Variants in ALDH3A2 observed in about 807,000 individuals in gnomAD.
ALDH3A2 encodes aldehyde dehydrogenase 3 family member A2.
ALDH3A2 carries 36 observed loss-of-function variants against 51.3 expected under a neutral mutation model. The ratio of observed to expected loss-of-function variants is 0.70; its 90% CI spans 0.54 to 0.93. ALDH3A2 has a LOEUF of 0.93. Among genes scored for constraint, ALDH3A2 ranks in the 40% least tolerant of loss-of-function variants. The pLI, the probability that ALDH3A2 is intolerant of heterozygous loss-of-function variation, is 0.00. For missense variants in ALDH3A2, 552 were observed against 603.1 expected (o/e 0.92, Z 0.89); for synonymous variants, 199 against 219.8 (o/e 0.91, Z 0.84).
rs1331288041 is a variant in ALDH3A2 at position 19,663,504 on chromosome 17, G to A, written c.1107+5G>A. 6.2e-7 allele frequency: 1 copy of A among 1,613,822 alleles called. No individual in the cohort carries two copies. Among genetic ancestry groups the A allele is most frequent in the South Asian group, 1.1e-5 (1 of 91,002 alleles). ...GTATTTTCGCATAACCATAAGGTAA[G>A]CTTTAGAGAGAACAGCTAGTTAGCA... On this transcript the variant is annotated splice_donor_5th_base_variant and intron_variant, in intron 7 of 9. Transcript: ENST00000176643.
At chr17:19,650,540 A>G (rs2152326119) in intron 1 of ALDH3A2, among the ~76,000 whole-genome samples, 1 of 151,638 alleles carries the variant, frequency 6.6e-6, no homozygotes. Flanking sequence ...TGCAAGCTCC[A>G]CCTCCCGGGT....
rs950934964 is a variant in ALDH3A2 at position 19,654,390 on chromosome 17, A to C, written c.471+1758A>C. Among the ~76,000 whole-genome samples, 2 of 152,198 alleles carry C rather than the reference A, an allele frequency of 1.3e-5. No individual in the cohort carries two copies. Among genetic ancestry groups the C allele is most frequent in the Admixed American group, 1.3e-4 (2 of 15,282 alleles). ...CGGCGCCCATCAGGGAGGCTCGGGC[A>C]GCATGGGAACCCACCAGGGGCGGGG... On this transcript the variant is annotated intron_variant, in intron 3 of 9. Transcript: ENST00000176643. The surrounding 1 kb of genome is among the most constrained non-coding windows in gnomAD (Gnocchi z 4.5).
Position 19,666,191 on chromosome 17 carries a change from G to T in ALDH3A2, c.1207+1144G>T, listed in dbSNP as rs572408328. 2.6e-5 allele frequency among the ~76,000 whole-genome samples: 4 copies of T among 152,178 alleles called. No homozygotes were observed. In the South Asian group the frequency reaches 8.3e-4, roughly 32 times the overall value. On this transcript the variant is annotated intron_variant, in intron 8 of 9. Coordinates refer to ENST00000176643, the MANE Select transcript of ALDH3A2 (RefSeq NM_000382.3). ...GATCAAGCAGCAGGATTGGCTGATG[G>T]AGTGAATGTTGGAGGAGGGGGTGAA... is the stretch of plus-strand genomic sequence containing the variant.
chr17:19,651,518 C>T (rs2084813845), intron 1 of ALDH3A2, 29 bp from the exon 2 acceptor site: 1 of 1,565,266 alleles, frequency 6.4e-7, no homozygotes, highest in South Asian at 1.1e-5. Context: ...ACTTACTCTG[C>T]AAGATTAACT....
Position 19,651,625 on chromosome 17 carries a change from T to C in ALDH3A2, c.232T>C (p.Trp78Arg). ...IDFMLENLPE[W>R]VTAKPVKKNV... Reference sequence around the variant, plus strand: ...TTTTATGCTTGAGAATCTTCCTGAATGGGTTACTGCTAAACCAGTTAAGAA... The same window carrying C: ...TTTTATGCTTGAGAATCTTCCTGAACGGGTTACTGCTAAACCAGTTAAGAA... Residue 78 changes from tryptophan (W) to arginine (R), a missense_variant, in exon 2 of 10, where the codon TGG becomes CGG. Coordinates refer to ENST00000176643, the MANE Select transcript of ALDH3A2 (RefSeq NM_000382.3). 1 of 1,614,238 alleles carries C rather than the reference T, an allele frequency of 6.2e-7. No homozygotes were observed.
chr17:19,675,554 C>T lies in ALDH3A2; in HGVS notation c.1444-4C>T, dbSNP rs192458322. 16 of 1,613,596 alleles carry T rather than the reference C, an allele frequency of 9.9e-6. No individual in the cohort carries two copies. Among genetic ancestry groups the T allele is most frequent in the Non-Finnish European group, 1.2e-5 (14 of 1,179,722 alleles). On this transcript the variant is annotated splice_polypyrimidine_tract_variant and splice_region_variant and intron_variant, in intron 9 of 9. Transcript: ENST00000176643. Reference sequence around the variant, plus strand: ...TAAACTGAATCCTTTTTTCCTCTCTCCAGGCAGAATATTACTGAAGAATGA... The same window carrying T: ...TAAACTGAATCCTTTTTTCCTCTCTTCAGGCAGAATATTACTGAAGAATGA...
chr17:19,653,407 T>C (rs1311913971), intron 3 of ALDH3A2, among the ~76,000 whole-genome samples: 3 of 152,118 alleles, frequency 2.0e-5, no homozygotes, highest in Admixed American at 1.3e-4. Flanking sequence ...ACCCTTGCAG[T>C]GAGTGTTACA....
intron 9 of ALDH3A2, chr17:19,674,353 C>G (rs1360310418): frequency 6.6e-6 from 1 of 152,200 alleles, no homozygotes; most frequent in Non-Finnish European, 1.5e-5. Context: ...CCAATCTTAC[C>G]AAACCCCCAA....
chr17:19,648,810 G>C lies in ALDH3A2; in HGVS notation c.-162G>C. ...CTCAGCGGGCGTGGAGGTCGCGGCT[G>C]AGCGAGCGAGCCCTGGGCGAGTGAA... is the stretch of plus-strand genomic sequence containing the variant. On this transcript the variant is annotated 5_prime_UTR_variant, in exon 1 of 10. Coordinates refer to ENST00000176643, the MANE Select transcript of ALDH3A2 (RefSeq NM_000382.3). 1 of 1,001,990 alleles carries C rather than the reference G, an allele frequency of 1.0e-6. No homozygotes were observed. The highest frequency in any genetic ancestry group is 1.5e-6 in the Non-Finnish European group (1 of 688,408). 62.1% of individuals were successfully genotyped at this position (1,001,990 alleles called of 1,614,324 possible).
At chr17:19,661,289 C>T in intron 6 of ALDH3A2, 21 bp downstream of exon 6, 1 of 1,614,012 alleles carries the variant, frequency 6.2e-7, no homozygotes, top group Non-Finnish European at 8.5e-7. Flanking sequence ...TTCTCCTTTT[C>T]CTATGGGAAG....
intron 3 of ALDH3A2, chr17:19,655,271 T>G (rs891613884): frequency 2.6e-5 from 4 of 152,254 alleles, no homozygotes; most frequent in Admixed American, 2.6e-4. Flanking sequence ...TATTTTTCTC[T>G]TTGTTAGAGC....
chr17:19,648,924 C>T lies in ALDH3A2; in HGVS notation c.-48C>T, dbSNP rs781489712. 8.4e-6 allele frequency: 13 copies of T among 1,544,394 alleles called. No homozygotes were observed. The South Asian group carries it at 1.5e-4, about 18-fold the overall frequency. On this transcript the variant is annotated 5_prime_UTR_variant, in exon 1 of 10. Coordinates refer to ENST00000176643, the MANE Select transcript of ALDH3A2 (RefSeq NM_000382.3). ...CCTGCACCTGCATGCTTCCCGCCTCCCACTCCCCAGCGCCCCCGGACCGTG... is the reference window on the plus strand; with the variant it reads ...CCTGCACCTGCATGCTTCCCGCCTCTCACTCCCCAGCGCCCCCGGACCGTG...
At chr17:19,669,489 T>C (rs2085083434) in intron 8 of ALDH3A2, among the ~76,000 whole-genome samples, 1 of 152,158 alleles carries the variant, frequency 6.6e-6, no homozygotes, top group Non-Finnish European at 1.5e-5. Flanking sequence ...GGTTTTCTCA[T>C]TGGTTGCATT....
At chr17:19,656,221 G>C (rs1332555270) in intron 3 of ALDH3A2, 145 bp from the exon 4 acceptor site, 2 of 794,936 alleles carry the variant, frequency 2.5e-6, no homozygotes, top group South Asian at 1.5e-5. Flanking sequence ...TCCTTGGTCA[G>C]TTCCCTCTCC....
intron 8 of ALDH3A2, among the ~76,000 whole-genome samples, chr17:19,666,171 A>G (rs1223541927): frequency 1.3e-5 from 2 of 152,022 alleles, no homozygotes; most frequent in Admixed American, 6.6e-5. Flanking sequence ...TTTGGGATCA[A>G]GCAGCAGGAT....
At chr17:19,672,622 G>T (rs1401545890) in intron 9 of ALDH3A2, among the ~76,000 whole-genome samples, 6 of 152,204 alleles carry the variant, frequency 3.9e-5, no homozygotes, top group Non-Finnish European at 8.8e-5. Flanking sequence ...ATGGAATGAG[G>T]AAGGCAATTG....
intron 5 of ALDH3A2, among the ~76,000 whole-genome samples, chr17:19,660,265 G>A (rs1466978010): frequency 6.6e-6 from 1 of 152,122 alleles, no homozygotes; most frequent in Non-Finnish European, 1.5e-5. Flanking sequence ...CAGCTCGTCT[G>A]AGGCCTCCAG....
intron 6 of ALDH3A2, among the ~76,000 whole-genome samples, chr17:19,662,838 T>G (rs2084984072): frequency 6.6e-6 from 1 of 152,100 alleles, no homozygotes; most frequent in Non-Finnish European, 1.5e-5. Flanking sequence ...AAACCTCATC[T>G]CTACTAAAAA....
chr17:19,668,630 AATATCATCTGTAG>A (rs2085071255), intron 8 of ALDH3A2, among the ~76,000 whole-genome samples: 2 of 77,844 alleles, frequency 2.6e-5, no homozygotes, highest in Non-Finnish European at 5.8e-5. Flanking sequence ...TTATTATATA[AATATCATCTGTAG>A]GCTGGGTGCG....
Sources: gnomAD v4.1 joint callset for allele counts (sites outside exome capture counted in the v4.1 genomes callset) on GRCh38, gnomAD v4.1.1 for gene constraint, Gnocchi (gnomAD v3.1) non-coding constraint, MANE v1.5 for transcripts, NCBI Gene and HGNC (gene_info 2026-07-23, HGNC 2026-07-21) for gene names.